Variants in RNF220 observed in about 807,000 individuals in gnomAD.
RNF220 encodes ring finger protein 220, also known as E3 ubiquitin-protein ligase RNF220.
RNF220 carries 7 observed loss-of-function variants against 67.1 expected under a neutral mutation model. The ratio of observed to expected loss-of-function variants is 0.10; its 90% CI spans 0.06 to 0.20. The LOEUF (loss-of-function observed/expected upper bound fraction) is 0.20, where lower values mean the gene tolerates loss of function less well. Ranked by LOEUF, RNF220 falls within the 10% of genes least tolerant of loss-of-function variation. The pLI is 1.00. For missense variants in RNF220, 565 were observed against 740.3 expected, an observed-to-expected ratio of 0.76 and a Z score of 2.75; for synonymous variants, 270 against 283.2, an observed-to-expected ratio of 0.95 and a Z score of 0.47.
chr1:44,549,355 G>C (rs949491034), intron 2 of RNF220, among the ~76,000 whole-genome samples: 2 of 152,186 alleles, frequency 1.3e-5, no homozygotes, highest in Non-Finnish European at 2.9e-5. Context: ...AAGTTTAAGC[G>C]AAGGAGGCAG....
intron 2 of RNF220, among the ~76,000 whole-genome samples, chr1:44,490,476 CAA>C (rs958591323): frequency 5.0e-5 from 6 of 120,092 alleles, no homozygotes; most frequent in African/African-American, 9.2e-5. Flanking sequence ...AACTTCATTC[CAA>C]AAAAAAAAAA....
At chr1:44,445,524 T>C (rs1335194220) in intron 2 of RNF220, among the ~76,000 whole-genome samples, 3 of 152,000 alleles carry the variant, frequency 2.0e-5, no homozygotes, top group Non-Finnish European at 4.4e-5. Context: ...CTCCCCCTTC[T>C]TTACTGTAAC....
At chr1:44,469,835 A>T (rs1654643528) in intron 2 of RNF220, among the ~76,000 whole-genome samples, 1 of 152,238 alleles carries the variant, frequency 6.6e-6, no homozygotes, top group African/African-American at 2.4e-5. Flanking sequence ...AGGCCCTACC[A>T]GGAGGGATAG....
intron 2 of RNF220, among the ~76,000 whole-genome samples, chr1:44,589,610 T>C (rs1665971129): frequency 1.2e-5 from 1 of 83,414 alleles, no homozygotes; most frequent in African/African-American, 4.0e-5. Flanking sequence ...CGAGACTGCA[T>C]CTCAAAAAAA....
chr1:44,467,855 A>G (rs61787491), intron 2 of RNF220, among the ~76,000 whole-genome samples: 227 of 152,268 alleles, frequency 1.5e-3, no homozygotes, highest in Non-Finnish European at 2.0e-3. Context: ...ATTTAAAGTG[A>G]GAGATGTGTG....
intron 2 of RNF220, among the ~76,000 whole-genome samples, chr1:44,508,222 CG>C (rs994316558): frequency 2.0e-5 from 3 of 151,372 alleles, no homozygotes; most frequent in African/African-American, 7.3e-5. Flanking sequence ...TCGGGCCAGG[CG>C]GGGGACCCCC....
At position 44,463,980 on chromosome 1, in the gene RNF220, G is replaced by T. The variant is rs571185607; in HGVS notation, c.625+51258G>T. 5.0e-4 allele frequency among the ~76,000 whole-genome samples: 76 copies of T among 152,308 alleles called. No individual in the cohort carries two copies. In the Middle Eastern group the frequency reaches 0.027, roughly 55 times the overall value. On this transcript the variant is annotated intron_variant, in intron 2 of 14. Transcript: ENST00000361799. ...CAGAATTCTAATCTGGTGATTCTTT[G>T]GAGGGGTGCCTCCTAATTGGTTCAG...
At chr1:44,439,052 A>G (rs1446162121) in intron 2 of RNF220, among the ~76,000 whole-genome samples, 1 of 152,228 alleles carries the variant, frequency 6.6e-6, no homozygotes, top group African/African-American at 2.4e-5. Flanking sequence ...ATTAGAAACA[A>G]CATTACAGAG....
intron 2 of RNF220, among the ~76,000 whole-genome samples, chr1:44,484,592 G>T (rs1160207286): frequency 6.6e-6 from 1 of 152,134 alleles, no homozygotes; most frequent in East Asian, 1.9e-4. Flanking sequence ...ACGAAAGGAG[G>T]CTGGGCACCA....
chr1:44,520,924 C>T (rs114333789), intron 2 of RNF220, among the ~76,000 whole-genome samples: 25,457 of 152,124 alleles, frequency 0.17, 2,708 homozygotes, highest in Middle Eastern at 0.28. Flanking sequence ...GAGATGAGGT[C>T]TCACTCTCTT....
intron 2 of RNF220, among the ~76,000 whole-genome samples, chr1:44,551,409 C>T (rs1662622786): frequency 2.1e-5 from 1 of 47,400 alleles, no homozygotes; most frequent in South Asian, 6.6e-4. Context: ...GCCACCGTGC[C>T]CGGCCATTTT....
intron 2 of RNF220, among the ~76,000 whole-genome samples, chr1:44,550,303 G>A (rs949824813): frequency 1.3e-5 from 2 of 152,328 alleles, no homozygotes; most frequent in South Asian, 4.1e-4. Context: ...AACCAAGAGA[G>A]GCAGGTGTTG....
At chr1:44,406,009 C>G (rs751477575) in intron 1 of RNF220, among the ~76,000 whole-genome samples, 8 of 152,306 alleles carry the variant, frequency 5.3e-5, no homozygotes, top group Non-Finnish European at 1.2e-4. Context: ...CCCCTATGTA[C>G]CCCGCGTTGA....
intron 2 of RNF220, among the ~76,000 whole-genome samples, chr1:44,493,116 A>T (rs1361871006): frequency 6.6e-6 from 1 of 152,188 alleles, no homozygotes; most frequent in Non-Finnish European, 1.5e-5. Flanking sequence ...TATTGACCTC[A>T]TGTGATGGTT....
At chr1:44,484,730 A>T (rs1557970761) in intron 2 of RNF220, among the ~76,000 whole-genome samples, 1 of 152,084 alleles carries the variant, frequency 6.6e-6, no homozygotes, top group Non-Finnish European at 1.5e-5. Context: ...ACCTTTTTCA[A>T]CCATGGTAAG....
intron 2 of RNF220, among the ~76,000 whole-genome samples, chr1:44,518,395 A>G (rs1433962978): frequency 2.0e-5 from 3 of 152,068 alleles, no homozygotes; most frequent in Admixed American, 1.3e-4. Flanking sequence ...ACTGCACCCT[A>G]CTCACTCTGG....
chr1:44,445,980 T>G (rs1278264469), intron 2 of RNF220, among the ~76,000 whole-genome samples: 1 of 152,192 alleles, frequency 6.6e-6, no homozygotes, highest in Non-Finnish European at 1.5e-5. Context: ...TTGGGTATGA[T>G]TGGGTGCCAA....
chr1:44,555,249 G>A (rs775770639), intron 2 of RNF220, among the ~76,000 whole-genome samples: 26 of 151,930 alleles, frequency 1.7e-4, no homozygotes, highest in Admixed American at 1.4e-3. Context: ...TTGACATTTT[G>A]TAGAGACAGG....
At chr1:44,551,694 C>A (rs949986421) in intron 2 of RNF220, among the ~76,000 whole-genome samples, 1 of 152,072 alleles carries the variant, frequency 6.6e-6, no homozygotes, top group African/African-American at 2.4e-5. Flanking sequence ...GAAAAAAAAT[C>A]TTTCTGCATT....
Sources: gnomAD v4.1 joint callset for allele counts (sites outside exome capture counted in the v4.1 genomes callset) on GRCh38, gnomAD v4.1.1 for gene constraint, MANE v1.5 for transcripts, NCBI Gene and HGNC (gene_info 2026-07-23, HGNC 2026-07-21) for gene names.